The following PTTG1IP variants were observed in gnomAD, a reference collection of about 807,000 sequenced individuals.
The protein encoded by PTTG1IP is pituitary tumor-transforming gene 1 protein-interacting protein.
In PTTG1IP, 16 loss-of-function variants were observed where a neutral mutation model predicts 24.4. The observed-to-expected ratio is 0.66, with a 90% CI of 0.44 to 1.00. The LOEUF (loss-of-function observed/expected upper bound fraction) is 1.00. Among genes scored for constraint, PTTG1IP ranks in the 50% least tolerant of loss-of-function variants. The pLI, the probability that PTTG1IP is intolerant of heterozygous loss-of-function variation, is 0.00. For missense variants in PTTG1IP, 241 were observed against 245.8 expected (o/e 0.98, Z 0.13); for synonymous variants, 89 against 96.8 (o/e 0.92, Z 0.47).
At chr21:44,853,500 T>C in intron 5 of PTTG1IP, among the ~76,000 whole-genome samples, 1 of 118,956 alleles carries the variant, frequency 8.4e-6, no homozygotes. Flanking sequence ...AAGGTGAGAC[T>C]CCGTCTCAAA....
intron 1 of PTTG1IP, among the ~76,000 whole-genome samples, chr21:44,870,199 A>C (rs1226835135): frequency 6.6e-6 from 1 of 152,218 alleles, no homozygotes; most frequent in Admixed American, 6.5e-5. Flanking sequence ...TCAAAGATGA[A>C]AAAAGGTCAT....
rs780292790 is a variant in PTTG1IP, at chr21:44,861,198, C to T, written c.242G>A (p.Cys81Tyr). The T allele has an allele frequency of 6.2e-7, 1 of 1,614,134 alleles. No homozygotes were observed. The highest frequency in any genetic ancestry group is 1.7e-5 in the Admixed American group (1 of 60,022). The change falls in exon 3 of 6, where the codon TGT becomes TAT. Residue 81 changes from cysteine (C) to tyrosine (Y), a missense_variant. By Grantham distance (194) the Cys-to-Tyr change is radical (BLOSUM62 -2). Coordinates refer to ENST00000330938, the MANE Select transcript of PTTG1IP (RefSeq NM_004339.4). ...TCCCCAGCGTGCAGAGCTCAATTTA[C>T]AAAGGGAAGCCGGTGGCAAGACGCT... ...VTSVLPPASL[C>Y]KLSSARWGVC...
chr21:44,861,812 A>G (rs1223931281), intron 2 of PTTG1IP: 1 of 717,526 alleles, frequency 1.4e-6, no homozygotes, highest in Admixed American at 2.0e-5. Flanking sequence ...TCCCAAGAAC[A>G]CAGGACACAG....
intron 3 of PTTG1IP, among the ~76,000 whole-genome samples, chr21:44,860,171 A>G (rs932563970): frequency 6.6e-6 from 1 of 152,152 alleles, no homozygotes; most frequent in Admixed American, 6.5e-5. Context: ...GATCGAGACC[A>G]TCCTGGCTAA....
At chr21:44,856,564 T>C (rs971264703) in intron 3 of PTTG1IP, among the ~76,000 whole-genome samples, 200 bp from the exon 4 acceptor site, 1 of 152,186 alleles carries the variant, frequency 6.6e-6, no homozygotes, top group African/African-American at 2.4e-5. Flanking sequence ...CCTCTCCAAG[T>C]CTCCTTTCAG....
chr21:44,854,921 G>A (rs778647466), intron 5 of PTTG1IP, among the ~76,000 whole-genome samples: 1 of 152,236 alleles, frequency 6.6e-6, no homozygotes, highest in Non-Finnish European at 1.5e-5. Context: ...CACGACGGCA[G>A]AACAGCTGCA....
At chr21:44,866,471 AAC>A (rs34708509) in intron 1 of PTTG1IP, among the ~76,000 whole-genome samples, 2,819 of 16,716 alleles carry the variant, frequency 0.17, 953 homozygotes, top group East Asian at 0.41. Context: ...CCAATCCCAT[AAC>A]ACACACACAC....
intron 1 of PTTG1IP, 25 bp downstream of exon 1, chr21:44,873,477 G>A: frequency 1.5e-6 from 2 of 1,362,750 alleles, no homozygotes; most frequent in South Asian, 1.7e-5. Context: ...CCCCTTCGCG[G>A]CCCCGCCCGC....
At chr21:44,862,762 G>A (rs2083501783) in intron 2 of PTTG1IP, among the ~76,000 whole-genome samples, 1 of 152,192 alleles carries the variant, frequency 6.6e-6, no homozygotes, top group Admixed American at 6.5e-5. Flanking sequence ...GACCACCTTA[G>A]TGTCGTGTTT....
chr21:44,856,206 G>T lies in PTTG1IP; in HGVS notation c.436C>A (p.Arg146=), dbSNP rs748818985. The T allele has an allele frequency of 6.2e-7, 1 of 1,614,000 alleles. No individual in the cohort carries two copies. Among genetic ancestry groups the T allele is most frequent in the Non-Finnish European group, 8.5e-7 (1 of 1,179,958 alleles). The change falls in exon 4 of 6, where the codon CGG becomes AGG. Residue 146 remains arginine, a synonymous_variant. Coordinates refer to ENST00000330938, the MANE Select transcript of PTTG1IP (RefSeq NM_004339.4). ...CCACCACCTCACCGTTCCTCCTGCC[G>T]TATCCGCCTCTCCTCCCGCTCACGC... The part of the protein sequence containing the change: ...AMREREERRI[R]QEERRAEMKT...
rs76127084 is a variant in PTTG1IP at position 44,850,687 on chromosome 21, C to G, written c.*894G>C. ...AATGGCCACCCCCCAGACAGCCCAACAGGCAGCGAGAGGCCTGCAGGCACT... is the reference window on the plus strand; with the variant it reads ...AATGGCCACCCCCCAGACAGCCCAAGAGGCAGCGAGAGGCCTGCAGGCACT... On this transcript the variant is annotated 3_prime_UTR_variant, in exon 6 of 6. Coordinates refer to ENST00000330938, the MANE Select transcript of PTTG1IP (RefSeq NM_004339.4). The G allele has an allele frequency of 0.074, 11,251 of 152,414 alleles. 1,404 individuals are homozygous for G. Among genetic ancestry groups the G allele is most frequent in the African/African-American group, 0.25 (10,534 of 41,546 alleles). 9.4% of individuals were successfully genotyped at this position (152,414 alleles called of 1,614,324 possible). A position where few individuals can be genotyped will look rare whatever the true frequency, so the allele number is the denominator to read the frequency against.
chr21:44,871,198 T>C (rs2083582066), intron 1 of PTTG1IP, among the ~76,000 whole-genome samples: 1 of 152,228 alleles, frequency 6.6e-6, no homozygotes, highest in South Asian at 2.1e-4. Flanking sequence ...GTGAACCCTA[T>C]GTACACTGTA....
At position 44,861,018 on chromosome 21, in the gene PTTG1IP, G is replaced by T. The variant is rs897056242; in HGVS notation, c.277+145C>A. On this transcript the variant is annotated intron_variant, in intron 3 of 5. Transcript: ENST00000330938. ...GGGGCTTCACCATGTTAGCCAGGAT[G>T]GTCTCAATCTCCTGACCTCTTGATC... is the stretch of plus-strand genomic sequence containing the variant. 7.0e-6 allele frequency: 4 copies of T among 569,654 alleles called. No individual in the cohort carries two copies. The African/African-American group carries it at 7.7e-5, about 11-fold the overall frequency. The allele number at this position is 569,654 out of a possible 1,614,324, so 35.3% of individuals were successfully genotyped here.
chr21:44,855,172 TC>T, intron 5 of PTTG1IP, 37 bp downstream of exon 5: 2 of 1,581,062 alleles, frequency 1.3e-6, no homozygotes, highest in Non-Finnish European at 1.7e-6. Flanking sequence ...TGCCATCGCC[TC>T]CCAACCAGAC....
chr21:44,868,860 G>A (rs1158821392), intron 1 of PTTG1IP, among the ~76,000 whole-genome samples: 1 of 152,198 alleles, frequency 6.6e-6, no homozygotes, highest in Non-Finnish European at 1.5e-5. Flanking sequence ...CACTGAGTCT[G>A]CCTGTGGACT....
At chr21:44,864,195 T>C (rs4818738) in intron 2 of PTTG1IP, among the ~76,000 whole-genome samples, 16,060 of 152,224 alleles carry the variant, frequency 0.11, 1,353 homozygotes, top group East Asian at 0.39. Context: ...CACAGGATGC[T>C]GTTTTCTGCC....
At chr21:44,867,348 A>G (rs2083550201) in intron 1 of PTTG1IP, among the ~76,000 whole-genome samples, 1 of 151,696 alleles carries the variant, frequency 6.6e-6, no homozygotes, top group Admixed American at 6.6e-5. Context: ...AAAAGACCCT[A>G]CCGTGTAATT....
At chr21:44,854,028 CA>C (rs888430455) in intron 5 of PTTG1IP, among the ~76,000 whole-genome samples, 2 of 152,158 alleles carry the variant, frequency 1.3e-5, no homozygotes, top group African/African-American at 4.8e-5. Context: ...CAGAGCCACC[CA>C]GCGTTTACAG....
Position 44,873,504 on chromosome 21 carries a change from G to C in PTTG1IP, c.113C>G (p.Ala38Gly), listed in dbSNP as rs759424576. The C allele has an allele frequency of 6.9e-7, 1 of 1,447,092 alleles. No homozygotes were observed. The highest frequency in any genetic ancestry group is 9.0e-7 in the Non-Finnish European group (1 of 1,105,514). The allele number at this position is 1,447,092 out of a possible 1,614,324, so 89.6% of individuals were successfully genotyped here. Residue 38 changes from alanine to glycine, a missense_variant and splice_region_variant, in exon 1 of 6, where the codon GCT (alanine) becomes GGT (glycine). Transcript: ENST00000330938. ...PVAAAQEPPG[A>G]ACSQNTNKTC... ...CCCGCCCGCCCCGGCGCCCTCACCA[G>C]CTCCGGGAGGCTCCTGCGCGGCGGC... is the stretch of plus-strand genomic sequence containing the variant.
Sources: allele counts gnomAD v4.1 joint callset (sites outside exome capture counted in the v4.1 genomes callset), GRCh38; gene constraint gnomAD v4.1.1; transcripts MANE v1.5; gene names NCBI Gene and HGNC (gene_info 2026-07-23, HGNC 2026-07-21).